Variants in BCAR3 observed in about 807,000 individuals in gnomAD.
The protein encoded by BCAR3 is breast cancer anti-estrogen resistance protein 3.
In BCAR3, 37 loss-of-function variants were observed where a neutral mutation model predicts 80.1. The ratio of observed to expected loss-of-function variants is 0.46; its 90% CI spans 0.36 to 0.61. The LOEUF is 0.61. BCAR3 is among the 20% of genes least tolerant of loss of function. The probability of loss-of-function intolerance (pLI) is 0.00; values close to 1 mark genes in which losing one functional copy is unlikely to be tolerated. For synonymous variants in BCAR3, 389 were observed against 418.9 expected (o/e 0.93, Z 0.87); for missense variants, 978 against 1,068.2 (o/e 0.92, Z 1.18).
chr1:93,682,259 G>A (rs1377230240), upstream of BCAR3, among the ~76,000 whole-genome samples: 1 of 152,240 alleles, frequency 6.6e-6, no homozygotes, highest in East Asian at 1.9e-4. Context: ...CGTATTGAAA[G>A]CAAAGTGCGA....
At chr1:93,724,056 T>C (rs771400594) in intron 2 of BCAR3, among the ~76,000 whole-genome samples, 1 of 152,178 alleles carries the variant, frequency 6.6e-6, no homozygotes, top group Non-Finnish European at 1.5e-5. Flanking sequence ...GTAGGAGCTT[T>C]TGATGAACAG....
intron 2 of BCAR3, among the ~76,000 whole-genome samples, chr1:93,816,577 A>G (rs1654021984): frequency 6.8e-6 from 1 of 146,854 alleles, no homozygotes; most frequent in African/African-American, 2.5e-5. Flanking sequence ...AGGCTGAGGC[A>G]GGAGAATCGC....
chr1:93,578,423 C>A (rs1057224811), intron 7 of BCAR3, among the ~76,000 whole-genome samples: 1 of 152,176 alleles, frequency 6.6e-6, no homozygotes, highest in African/African-American at 2.4e-5. Context: ...TCCCACACCC[C>A]ACCCCTAACC....
intron 2 of BCAR3, among the ~76,000 whole-genome samples, chr1:93,657,503 G>GT: frequency 6.6e-6 from 1 of 152,220 alleles, no homozygotes; most frequent in South Asian, 2.1e-4. Context: ...TATCACATGA[G>GT]TAGGTATGAA....
chr1:93,703,594 C>A (rs773108998), intron 3 of BCAR3, among the ~76,000 whole-genome samples: 1 of 148,886 alleles, frequency 6.7e-6, no homozygotes, highest in East Asian at 1.9e-4. Flanking sequence ...AAAGAGATAA[C>A]CCTGCAGGCT....
intron 2 of BCAR3, among the ~76,000 whole-genome samples, chr1:93,667,454 T>G (rs1647981257): frequency 6.6e-6 from 1 of 152,204 alleles, no homozygotes; most frequent in Admixed American, 6.5e-5. Context: ...GCTATAGAGT[T>G]CACACATCTA....
At chr1:93,618,399 A>T (rs1463189155) in intron 3 of BCAR3, among the ~76,000 whole-genome samples, 1 of 152,244 alleles carries the variant, frequency 6.6e-6, no homozygotes, top group Non-Finnish European at 1.5e-5. Flanking sequence ...AGCAATATTG[A>T]TCTGCCTAGC....
At chr1:93,571,500 GA>G (rs200297271) in intron 9 of BCAR3, 169 bp downstream of exon 9, 2,008 of 719,488 alleles carry the variant, frequency 2.8e-3, no homozygotes, top group East Asian at 5.2e-3. Flanking sequence ...TCTCAAAAAA[GA>G]AAAAAAAAAG....
intron 2 of BCAR3, among the ~76,000 whole-genome samples, chr1:93,749,089 C>A (rs1651453507): frequency 1.3e-5 from 2 of 152,024 alleles, no homozygotes; most frequent in African/African-American, 4.8e-5. Context: ...GTTACTATAT[C>A]CTTCAACAAA....
chr1:93,840,387 A>G (rs1211102567), intron 2 of BCAR3, among the ~76,000 whole-genome samples: 1 of 152,214 alleles, frequency 6.6e-6, no homozygotes, highest in Non-Finnish European at 1.5e-5. Flanking sequence ...GGTCTGATAT[A>G]CATGAAGAAC....
chr1:93,679,857 G>A (rs1489678914), intron 1 of BCAR3, among the ~76,000 whole-genome samples: 3 of 152,170 alleles, frequency 2.0e-5, no homozygotes, highest in African/African-American at 4.8e-5. Flanking sequence ...TTTCTGAAAC[G>A]GGATATTTTC....
At chr1:93,584,681 GC>G (rs1673869962) in intron 5 of BCAR3, among the ~76,000 whole-genome samples, 1 of 152,216 alleles carries the variant, frequency 6.6e-6, no homozygotes, top group African/African-American at 2.4e-5. Context: ...CCCCCACACA[GC>G]CTCCTCCTGC....
At chr1:93,807,787 A>C (rs746934276) in intron 2 of BCAR3, among the ~76,000 whole-genome samples, 7 of 152,030 alleles carry the variant, frequency 4.6e-5, no homozygotes, top group Admixed American at 2.6e-4. Flanking sequence ...TAATCTCAAC[A>C]CTTTTGATGC....
chr1:93,776,656 C>T (rs1652562790), intron 2 of BCAR3, among the ~76,000 whole-genome samples: 1 of 152,196 alleles, frequency 6.6e-6, no homozygotes. Context: ...TTCCCACATT[C>T]TGGATCTTGC....
At chr1:93,734,212 C>T (rs1162874582) in intron 2 of BCAR3, among the ~76,000 whole-genome samples, 8 of 152,222 alleles carry the variant, frequency 5.3e-5, no homozygotes, top group Non-Finnish European at 1.2e-4. Context: ...TCAAGGCGCA[C>T]ATTTGTGTTT....
intron 2 of BCAR3, among the ~76,000 whole-genome samples, chr1:93,748,465 C>A (rs1385755569): frequency 6.6e-6 from 1 of 152,208 alleles, no homozygotes; most frequent in Non-Finnish European, 1.5e-5. Context: ...TAGCACTGCA[C>A]CTGACTCCAT....
At chr1:93,746,629 G>A (rs187119836) in intron 2 of BCAR3, among the ~76,000 whole-genome samples, 11 of 152,084 alleles carry the variant, frequency 7.2e-5, no homozygotes, top group African/African-American at 1.2e-4. Context: ...TAGTCAAGGC[G>A]CCCCAGGCTC....
intron 2 of BCAR3, among the ~76,000 whole-genome samples, chr1:93,744,060 C>T (rs79112026): frequency 0.026 from 3,976 of 152,174 alleles, 76 homozygotes; most frequent in Non-Finnish European, 0.036. Flanking sequence ...AGAATAGCCC[C>T]CACCACCCAC....
chr1:93,842,095 C>T (rs1418099325), intron 2 of BCAR3, among the ~76,000 whole-genome samples: 1 of 152,048 alleles, frequency 6.6e-6, no homozygotes, highest in African/African-American at 2.4e-5. Context: ...ACACCTGCAC[C>T]TCACTTAAAG....
Sources: allele counts gnomAD v4.1 joint callset (sites outside exome capture counted in the v4.1 genomes callset), GRCh38; gene constraint gnomAD v4.1.1; transcripts MANE v1.5; gene names NCBI Gene and HGNC (gene_info 2026-07-23, HGNC 2026-07-21).